SLC2A13: variants seen among roughly 807,000 people sequenced by gnomAD.
SLC2A13 encodes solute carrier family 2 member 13.
SLC2A13 carries 32 observed loss-of-function variants against 64.4 expected under a neutral mutation model. That is an observed-to-expected ratio of 0.50 (90% CI 0.37 to 0.67). The LOEUF (loss-of-function observed/expected upper bound fraction) is 0.67, where lower values mean the gene tolerates loss of function less well. Among genes scored for constraint, SLC2A13 ranks in the 30% least tolerant of loss-of-function variants. The pLI, the probability that SLC2A13 is intolerant of heterozygous loss-of-function variation, is 0.00. For missense variants in SLC2A13, 743 were observed against 829.2 expected (o/e 0.90, Z 1.28); for synonymous variants, 338 against 327.1 (o/e 1.03, Z -0.36).
chr12:39,781,456 GGCTAGTACAGTGACAT>G (rs1210254391), intron 7 of SLC2A13, among the ~76,000 whole-genome samples: 1 of 152,128 alleles, frequency 6.6e-6, no homozygotes, highest in East Asian at 1.9e-4. Context: ...ATGCCCCAGG[GGCTAGTACAGTGACAT>G]GCACACAGTT....
At chr12:39,985,887 C>T (rs774407073) in intron 3 of SLC2A13, among the ~76,000 whole-genome samples, 3 of 152,108 alleles carry the variant, frequency 2.0e-5, no homozygotes, top group Middle Eastern at 3.4e-3. Flanking sequence ...TGTCTTAGTC[C>T]ATTTCAGCTG....
At chr12:40,009,133 T>A (rs117222943) in intron 3 of SLC2A13, among the ~76,000 whole-genome samples, 1,571 of 152,304 alleles carry the variant, frequency 0.01, 16 homozygotes, top group Non-Finnish European at 0.017. Context: ...TGGAAGAATA[T>A]TCCCCAAATC....
intron 6 of SLC2A13, among the ~76,000 whole-genome samples, chr12:39,849,522 A>C (rs1348294628): frequency 6.6e-6 from 1 of 152,178 alleles, no homozygotes; most frequent in East Asian, 1.9e-4. Flanking sequence ...TGAGGTGCTC[A>C]TGACTGCCTC....
chr12:39,963,235 C>T (rs1207592082), intron 3 of SLC2A13, among the ~76,000 whole-genome samples: 1 of 138,216 alleles, frequency 7.2e-6, no homozygotes, highest in African/African-American at 2.7e-5. Context: ...TGCAGTGAGC[C>T]GAGATCACGG....
At chr12:39,772,129 T>C (rs956026331) in intron 7 of SLC2A13, among the ~76,000 whole-genome samples, 1 of 152,158 alleles carries the variant, frequency 6.6e-6, no homozygotes, top group Non-Finnish European at 1.5e-5. Flanking sequence ...TATATTAATA[T>C]ACTCCTTCTT....
At chr12:40,102,753 A>C (rs1939190865) in intron 1 of SLC2A13, among the ~76,000 whole-genome samples, 1 of 152,228 alleles carries the variant, frequency 6.6e-6, no homozygotes, top group Non-Finnish European at 1.5e-5. Flanking sequence ...AAGCAAACTG[A>C]TTTAATGTCC....
At chr12:40,065,727 G>A (rs1414122186) in intron 1 of SLC2A13, among the ~76,000 whole-genome samples, 1 of 152,190 alleles carries the variant, frequency 6.6e-6, no homozygotes, top group Non-Finnish European at 1.5e-5. Context: ...ATATTCTATT[G>A]TGATACTTTA....
At chr12:39,880,190 C>G (rs769655463) in intron 4 of SLC2A13, among the ~76,000 whole-genome samples, 32 of 152,270 alleles carry the variant, frequency 2.1e-4, no homozygotes, top group East Asian at 3.9e-4. Flanking sequence ...TTTGTAGAAC[C>G]ATAAGCCAAG....
At position 39,759,717 on chromosome 12, in the gene SLC2A13, G is replaced by GA; in HGVS notation, c.*308dup. 3.8e-6 allele frequency: 1 copy of GA among 260,684 alleles called. No homozygotes were observed. The highest frequency in any genetic ancestry group is 7.3e-6 in the Non-Finnish European group (1 of 137,046). 16.1% of individuals were successfully genotyped at this position (260,684 alleles called of 1,614,324 possible). On this transcript the variant is annotated 3_prime_UTR_variant, in exon 10 of 10. Transcript: ENST00000280871. ...CACTAATAATTATAAATGGTCTTAG[G>GA]AAAAAAGGATACCACTGAAGTCACT... is the stretch of plus-strand genomic sequence containing the variant.
intron 3 of SLC2A13, among the ~76,000 whole-genome samples, chr12:40,008,681 G>C (rs1947466671): frequency 6.6e-6 from 1 of 151,510 alleles, no homozygotes; most frequent in South Asian, 2.1e-4. Context: ...TGATACCTGA[G>C]CTTTGATTTC....
intron 1 of SLC2A13, among the ~76,000 whole-genome samples, chr12:40,082,919 C>A (rs573059056): frequency 5.9e-5 from 9 of 152,256 alleles, no homozygotes; most frequent in East Asian, 1.9e-4. Flanking sequence ...TTTCCTCCCC[C>A]ACTTCAGCCC....
chr12:39,761,870 A>ATCT (rs1394013362), intron 9 of SLC2A13, among the ~76,000 whole-genome samples: 2 of 152,100 alleles, frequency 1.3e-5, no homozygotes. Flanking sequence ...AGTATATTTT[A>ATCT]TCTTCATCAT....
chr12:39,997,447 C>A (rs868377346), intron 3 of SLC2A13, among the ~76,000 whole-genome samples: 1 of 152,120 alleles, frequency 6.6e-6, no homozygotes, highest in Non-Finnish European at 1.5e-5. Flanking sequence ...AAATGGCCAA[C>A]ACACATATGA....
chr12:39,855,480 C>T (rs980032453), intron 6 of SLC2A13, among the ~76,000 whole-genome samples: 2 of 152,294 alleles, frequency 1.3e-5, no homozygotes, highest in African/African-American at 4.8e-5. Flanking sequence ...AGGTCATGCT[C>T]TGATACATCT....
intron 5 of SLC2A13, among the ~76,000 whole-genome samples, chr12:39,866,571 C>CG (rs1434523531): frequency 2.6e-5 from 4 of 152,122 alleles, no homozygotes; most frequent in Non-Finnish European, 4.4e-5. Context: ...CTCCGCCCCC[C>CG]GGGGTTCACG....
intron 7 of SLC2A13, chr12:39,829,664 C>T (rs999204642): frequency 9.9e-4 from 167 of 169,162 alleles, no homozygotes; most frequent in Non-Finnish European, 2.8e-4. Flanking sequence ...CTGCCTGCCT[C>T]AGCCTCCCAA....
intron 4 of SLC2A13, among the ~76,000 whole-genome samples, chr12:39,898,572 T>C (rs1021854212): frequency 1.3e-5 from 2 of 152,142 alleles, no homozygotes; most frequent in African/African-American, 2.4e-5. Flanking sequence ...GGCTTGTCTT[T>C]AGGGACATTT....
intron 4 of SLC2A13, among the ~76,000 whole-genome samples, chr12:39,880,156 G>A: frequency 6.6e-6 from 1 of 152,152 alleles, no homozygotes; most frequent in East Asian, 1.9e-4. Flanking sequence ...CTGGGCAGAT[G>A]CCAGCACCAT....
At chr12:39,999,561 G>A (rs766837895) in intron 3 of SLC2A13, among the ~76,000 whole-genome samples, 5 of 152,088 alleles carry the variant, frequency 3.3e-5, no homozygotes, top group Non-Finnish European at 7.4e-5. Context: ...AACCTGCCCT[G>A]GTAAATTTGA....
Sources: gnomAD v4.1 joint callset for allele counts (sites outside exome capture counted in the v4.1 genomes callset) on GRCh38, gnomAD v4.1.1 for gene constraint, MANE v1.5 for transcripts, NCBI Gene and HGNC (gene_info 2026-07-23, HGNC 2026-07-21) for gene names.